The following KCNIP4 variants were observed in gnomAD, a reference collection of about 807,000 sequenced individuals.
KCNIP4 encodes the protein potassium voltage-gated channel interacting protein 4.
Under a neutral mutation model 34.0 loss-of-function variants are expected in KCNIP4, and 12 were observed. That is an observed-to-expected ratio of 0.35 (90% CI 0.23 to 0.57). The LOEUF is 0.57. Ranked by LOEUF, KCNIP4 falls within the 20% of genes least tolerant of loss-of-function variation. The pLI is 0.83. For synonymous variants in KCNIP4, 124 were observed against 102.2 expected, an observed-to-expected ratio of 1.21 and a Z score of -1.29; for missense variants, 238 against 311.7, an observed-to-expected ratio of 0.76 and a Z score of 1.78.
At chr4:21,286,096 A>G (rs1245917217) in intron 1 of KCNIP4, among the ~76,000 whole-genome samples, 1 of 152,208 alleles carries the variant, frequency 6.6e-6, no homozygotes, top group African/African-American at 2.4e-5. Context: ...ACACAGGGGA[A>G]TTTCCATGTC....
At chr4:21,326,946 C>T (rs763821738) in intron 1 of KCNIP4, among the ~76,000 whole-genome samples, 67 of 151,754 alleles carry the variant, frequency 4.4e-4, no homozygotes, top group Non-Finnish European at 7.7e-4. Context: ...CATTTTAATT[C>T]CTCCTCTTTT....
At chr4:21,409,445 G>A (rs951289355) in intron 1 of KCNIP4, among the ~76,000 whole-genome samples, 2 of 151,874 alleles carry the variant, frequency 1.3e-5, no homozygotes, top group African/African-American at 4.8e-5. Flanking sequence ...TTTCTGAACT[G>A]TAAATTTTGT....
At chr4:20,936,948 C>T (rs1471079668) in intron 1 of KCNIP4, among the ~76,000 whole-genome samples, 3 of 152,078 alleles carry the variant, frequency 2.0e-5, no homozygotes, top group Admixed American at 2.0e-4. Context: ...AGGGCATGAT[C>T]TCAAGCAGGT....
At chr4:20,766,961 C>T (rs1394152502) in intron 3 of KCNIP4, 1 of 152,094 alleles carries the variant, frequency 6.6e-6, no homozygotes, top group East Asian at 1.9e-4. Context: ...CAGGAATTGA[C>T]CTCAGAGAGC....
intron 1 of KCNIP4, among the ~76,000 whole-genome samples, chr4:20,976,296 G>T (rs1028278958): frequency 6.6e-6 from 1 of 152,188 alleles, no homozygotes; most frequent in African/African-American, 2.4e-5. Flanking sequence ...TGTCTAACAG[G>T]TCAGCTAGGT....
At chr4:20,804,318 T>C (rs1714787649) in intron 3 of KCNIP4, among the ~76,000 whole-genome samples, 1 of 152,212 alleles carries the variant, frequency 6.6e-6, no homozygotes, top group African/African-American at 2.4e-5. Flanking sequence ...CTCCTTATAA[T>C]GTTCTTTTTA....
intron 1 of KCNIP4, among the ~76,000 whole-genome samples, chr4:21,595,277 T>C (rs1742554533): frequency 6.6e-6 from 1 of 152,138 alleles, no homozygotes; most frequent in Non-Finnish European, 1.5e-5. Flanking sequence ...TTGCTGAGAA[T>C]GATGGTTTCC....
intron 1 of KCNIP4, among the ~76,000 whole-genome samples, chr4:20,908,926 C>A (rs1728063968): frequency 6.6e-6 from 1 of 152,144 alleles, no homozygotes; most frequent in Non-Finnish European, 1.5e-5. Flanking sequence ...GTAAATATTA[C>A]TTATTGTTAT....
At chr4:21,372,860 A>G (rs1242814708) in intron 1 of KCNIP4, among the ~76,000 whole-genome samples, 5 of 146,242 alleles carry the variant, frequency 3.4e-5, no homozygotes, top group Non-Finnish European at 7.4e-5. Flanking sequence ...TGAGGAGTGA[A>G]TACAAGAGTG....
chr4:21,002,516 C>G (rs369456814), intron 1 of KCNIP4, among the ~76,000 whole-genome samples: 2 of 152,138 alleles, frequency 1.3e-5, no homozygotes, highest in Non-Finnish European at 2.9e-5. Flanking sequence ...TTGCCACTTC[C>G]CAGGAGTGAG....
At chr4:21,215,799 TTTGTTG>T (rs1297307834) in intron 1 of KCNIP4, among the ~76,000 whole-genome samples, 1 of 152,096 alleles carries the variant, frequency 6.6e-6, no homozygotes, top group South Asian at 2.1e-4. Flanking sequence ...CAAGATATTC[TTTGTTG>T]TTGTTGTTGT....
intron 1 of KCNIP4, among the ~76,000 whole-genome samples, chr4:21,707,928 C>T (rs974363794): frequency 3.0e-5 from 2 of 66,764 alleles, no homozygotes; most frequent in Admixed American, 2.8e-4. Context: ...CTGAAACACA[C>T]ACATACACAC....
At position 21,467,073 on chromosome 4, in the gene KCNIP4, AACACACACACACAC is replaced by A. The variant is rs33937973; in HGVS notation, c.61+481484_61+481497del. ...AACCAAACCAAACCAAACCAAAACA[AACACACACACACAC>A]ACACACACACACACACACACACACA... On this transcript the variant is annotated intron_variant, in intron 1 of 8. Transcript: ENST00000382152. Among the ~76,000 whole-genome samples the A allele has an allele frequency of 9.3e-3, 1,301 of 139,842 alleles. 45 individuals carry two copies. The East Asian group carries it at 0.12, about 13-fold the overall frequency. The allele number at this position is 139,842 out of a possible 152,430, so 91.7% of individuals were successfully genotyped here. A position where few individuals can be genotyped will look rare whatever the true frequency, so the allele number is the denominator to read the frequency against.
intron 1 of KCNIP4, among the ~76,000 whole-genome samples, chr4:21,944,898 T>C (rs796900594): frequency 3.0e-4 from 46 of 152,262 alleles, no homozygotes; most frequent in African/African-American, 1.1e-3. Context: ...TAATTTATAA[T>C]AATGGGTGCA....
intron 1 of KCNIP4, among the ~76,000 whole-genome samples, chr4:21,766,479 T>C (rs992623309): frequency 6.6e-6 from 1 of 152,112 alleles, no homozygotes; most frequent in African/African-American, 2.4e-5. Flanking sequence ...CTCCCCACAG[T>C]CTTAAAATAA....
At chr4:20,999,246 C>T (rs924801496) in intron 1 of KCNIP4, among the ~76,000 whole-genome samples, 7 of 152,060 alleles carry the variant, frequency 4.6e-5, no homozygotes, top group African/African-American at 1.7e-4. Flanking sequence ...TAGACATAGG[C>T]AAGAGCTCAG....
chr4:21,809,761 C>T (rs1721514282), intron 1 of KCNIP4, among the ~76,000 whole-genome samples: 1 of 152,170 alleles, frequency 6.6e-6, no homozygotes, highest in African/African-American at 2.4e-5. Flanking sequence ...ACTTTACACA[C>T]TTCAAATGCT....
At chr4:21,945,206 C>T (rs1203200053) in intron 1 of KCNIP4, among the ~76,000 whole-genome samples, 1 of 152,184 alleles carries the variant, frequency 6.6e-6, no homozygotes, top group Non-Finnish European at 1.5e-5. Flanking sequence ...CACTACCTGG[C>T]CTACAATTCT....
In KCNIP4 at chr4:21,528,994, A is replaced by G. The variant is rs961904683; in HGVS notation, c.61+419577T>C. On this transcript the variant is annotated intron_variant, in intron 1 of 8. Transcript: ENST00000382152. Reference sequence around the variant, plus strand: ...AAAGCCTGCTTAGGATTTCTGCAAAAGTTTTGCTGTCCTTTTACAGGTTTT... The same window carrying G: ...AAAGCCTGCTTAGGATTTCTGCAAAGGTTTTGCTGTCCTTTTACAGGTTTT... Among the ~76,000 whole-genome samples, 9 of 151,976 alleles carry G rather than the reference A, an allele frequency of 5.9e-5. No individual in the cohort carries two copies. In the East Asian group the frequency reaches 1.7e-3, roughly 29 times the overall value.
Sources: gnomAD v4.1 joint callset for allele counts (sites outside exome capture counted in the v4.1 genomes callset) on GRCh38, gnomAD v4.1.1 for gene constraint, MANE v1.5 for transcripts, NCBI Gene and HGNC (gene_info 2026-07-23, HGNC 2026-07-21) for gene names.